TRAF3IP1: variants seen among roughly 807,000 people sequenced by gnomAD.
The protein encoded by TRAF3IP1 is intraflagellar transport 54, also known as TRAF3-interacting protein 1.
In TRAF3IP1, 53 loss-of-function variants were observed where a neutral mutation model predicts 89.9. That is an observed-to-expected ratio of 0.59 (90% CI 0.47 to 0.74). TRAF3IP1 has a LOEUF of 0.74. Ranked by LOEUF, TRAF3IP1 falls within the 30% of genes least tolerant of loss-of-function variation. The pLI, the probability that TRAF3IP1 is intolerant of heterozygous loss-of-function variation, is 0.00. For synonymous variants in TRAF3IP1, 311 were observed against 322.1 expected, an observed-to-expected ratio of 0.97 and a Z score of 0.37; for missense variants, 806 against 866.1, an observed-to-expected ratio of 0.93 and a Z score of 0.87.
At chr2:238,336,397 A>C (rs900502997) in intron 7 of TRAF3IP1, among the ~76,000 whole-genome samples, 8 of 152,138 alleles carry the variant, frequency 5.3e-5, no homozygotes, top group African/African-American at 1.9e-4. Flanking sequence ...CTGCCTGAAC[A>C]TTCTGCCTCG....
At chr2:238,338,525 A>G (rs963030130) in intron 8 of TRAF3IP1, 68 bp downstream of exon 8, 48 of 857,730 alleles carry the variant, frequency 5.6e-5, no homozygotes, top group Non-Finnish European at 7.9e-5. Flanking sequence ...ATCTCAATGT[A>G]GTTATACATT....
At chr2:238,322,173 C>G (rs886593868) in intron 1 of TRAF3IP1, among the ~76,000 whole-genome samples, 8 of 152,250 alleles carry the variant, frequency 5.3e-5, no homozygotes, top group Non-Finnish European at 7.3e-5. Flanking sequence ...TACCCGTCCT[C>G]TGACCCAGAG....
At chr2:238,397,190 A>T (rs1701263549) in intron 15 of TRAF3IP1, among the ~76,000 whole-genome samples, 1 of 152,194 alleles carries the variant, frequency 6.6e-6, no homozygotes, top group Admixed American at 6.5e-5. Flanking sequence ...ATGGATTTCC[A>T]GGTAAAGACA....
intron 7 of TRAF3IP1, among the ~76,000 whole-genome samples, chr2:238,336,860 T>C (rs1159295917): frequency 6.6e-6 from 1 of 152,128 alleles, no homozygotes; most frequent in East Asian, 1.9e-4. Flanking sequence ...CTTGGTAAGC[T>C]AAGTGAACCA....
intron 15 of TRAF3IP1, among the ~76,000 whole-genome samples, chr2:238,358,669 T>C (rs1193599523): frequency 6.6e-6 from 1 of 152,256 alleles, no homozygotes; most frequent in Non-Finnish European, 1.5e-5. Context: ...GAGTTTCTAA[T>C]GTCACCCTCG....
intron 15 of TRAF3IP1, among the ~76,000 whole-genome samples, chr2:238,374,364 C>A (rs972435696): frequency 2.6e-4 from 40 of 152,240 alleles, no homozygotes; most frequent in African/African-American, 8.7e-4. Flanking sequence ...TGGTCGAAGG[C>A]CTTTTCTGCA....
chr2:238,374,014 C>T (rs1430692648), intron 15 of TRAF3IP1, among the ~76,000 whole-genome samples: 2 of 152,202 alleles, frequency 1.3e-5, no homozygotes, highest in Admixed American at 1.3e-4. Flanking sequence ...GCTTAATCAG[C>T]TTAAGGATAT....
At chr2:238,324,589 T>C (rs372167534) in intron 1 of TRAF3IP1, among the ~76,000 whole-genome samples, 1 of 152,106 alleles carries the variant, frequency 6.6e-6, no homozygotes, top group African/African-American at 2.4e-5. Flanking sequence ...TCCTGGACCT[T>C]GTGTGGACTT....
At chr2:238,370,405 T>C (rs1310158850) in intron 15 of TRAF3IP1, among the ~76,000 whole-genome samples, 1 of 152,188 alleles carries the variant, frequency 6.6e-6, no homozygotes, top group African/African-American at 2.4e-5. Context: ...CATGTGTATA[T>C]ATGCATGGCT....
rs1314163152 is a variant in TRAF3IP1, at chr2:238,351,833, T to TGG, written c.1452-993_1452-992dup. Reference sequence around the variant, plus strand: ...ATGGCACTGAAGCAAGGGAGGATTTTGGTGTGTGTGTGTGTGTGTGTGTGT... The same window carrying TGG: ...ATGGCACTGAAGCAAGGGAGGATTTTGGGGTGTGTGTGTGTGTGTGTGTGTGT... On this transcript the variant is annotated intron_variant, in intron 12 of 16. Transcript: ENST00000373327. The surrounding 1 kb of genome is among the most constrained non-coding windows in gnomAD (Gnocchi z 5.2). 9.5e-5 allele frequency among the ~76,000 whole-genome samples: 11 copies of TGG among 115,300 alleles called. No homozygotes were observed. The highest frequency in any genetic ancestry group is 1.4e-4 in the Non-Finnish European group (8 of 55,246). The allele number at this position is 115,300 out of a possible 152,430, so 75.6% of individuals were successfully genotyped here. A position where few individuals can be genotyped will look rare whatever the true frequency, so the allele number is the denominator to read the frequency against.
chr2:238,392,477 A>G (rs1232240478), intron 15 of TRAF3IP1, among the ~76,000 whole-genome samples: 1 of 152,128 alleles, frequency 6.6e-6, no homozygotes, highest in Admixed American at 6.5e-5. Context: ...TCTTGTGTAA[A>G]AGGAATCCTA....
chr2:238,379,330 G>T lies in TRAF3IP1; in HGVS notation c.1690-18129G>T, dbSNP rs1700452390. On this transcript the variant is annotated intron_variant, in intron 15 of 16. Transcript: ENST00000373327. The surrounding 1 kb of genome is among the most constrained non-coding windows in gnomAD (Gnocchi z 4.0). ...GGGCTCTGCTATCCTCACAGCATTG[G>T]TCACTGACTGAGACCATGCGACTGA... Among the ~76,000 whole-genome samples the T allele has an allele frequency of 6.6e-6, 1 of 152,198 alleles. No homozygotes were observed. Among genetic ancestry groups the T allele is most frequent in the Non-Finnish European group, 1.5e-5 (1 of 68,044 alleles).
At chr2:238,344,437 C>A in intron 8 of TRAF3IP1, 60 bp from the exon 9 acceptor site, 1 of 1,348,986 alleles carries the variant, frequency 7.4e-7, no homozygotes, top group Non-Finnish European at 1.1e-6. Flanking sequence ...AATGAAGCCG[C>A]TGATCACCGG....
intron 8 of TRAF3IP1, among the ~76,000 whole-genome samples, chr2:238,339,499 G>C (rs1396994652): frequency 2.0e-5 from 3 of 152,260 alleles, no homozygotes; most frequent in Non-Finnish European, 4.4e-5. Context: ...CTGCAGGAGA[G>C]GGCAGCAGGC....
rs1701389488 is a variant in TRAF3IP1, at chr2:238,399,735, CA to C, written c.*817del. 2 of 152,264 alleles carry C rather than the reference CA, an allele frequency of 1.3e-5. No homozygotes were observed. The highest frequency in any genetic ancestry group is 4.2e-4 in the South Asian group (2 of 4,818). 9.4% of individuals were successfully genotyped at this position (152,264 alleles called of 1,614,324 possible). Reference sequence around the variant, plus strand: ...GTCTCGCTCTGCAAAGCATTGGCGCCATGGCTTTTCCTTTGCATGGGTGTGC... The same window carrying C: ...GTCTCGCTCTGCAAAGCATTGGCGCCTGGCTTTTCCTTTGCATGGGTGTGC... On this transcript the variant is annotated 3_prime_UTR_variant, in exon 17 of 17. Coordinates refer to ENST00000373327, the MANE Select transcript of TRAF3IP1 (RefSeq NM_015650.4).
intron 15 of TRAF3IP1, among the ~76,000 whole-genome samples, chr2:238,381,141 A>G (rs374278133): frequency 2.0e-4 from 27 of 133,138 alleles, no homozygotes; most frequent in African/African-American, 7.1e-4. Flanking sequence ...TTATTTATTT[A>G]TTTTTTTTTT....
rs1315056599 is a variant in TRAF3IP1, at chr2:238,345,626, G to C, written c.1261+1028G>C. 6.6e-6 allele frequency among the ~76,000 whole-genome samples: 1 copy of C among 152,190 alleles called. No individual in the cohort carries two copies. Among genetic ancestry groups the C allele is most frequent in the South Asian group, 2.1e-4 (1 of 4,830 alleles). On this transcript the variant is annotated intron_variant, in intron 9 of 16. Transcript: ENST00000373327. This position sits in a 1 kb window ranked among gnomAD's most constrained non-coding sequence, Gnocchi z 4.7. The stretch of plus-strand genomic sequence containing the variant: ...TTAATTAGGGAGGGTTAAAGATTGT[G>C]CAGAGAAGAGAGAGAGGCCTGGACT...
intron 16 of TRAF3IP1, among the ~76,000 whole-genome samples, chr2:238,398,455 G>A (rs1701339802): frequency 6.8e-6 from 1 of 147,556 alleles, no homozygotes; most frequent in Non-Finnish European, 1.5e-5. Flanking sequence ...GTAGTGGAGG[G>A]GGGATCCCCA....
At chr2:238,364,266 A>G (rs1183752203) in intron 15 of TRAF3IP1, among the ~76,000 whole-genome samples, 2 of 152,210 alleles carry the variant, frequency 1.3e-5, no homozygotes, top group Non-Finnish European at 2.9e-5. Context: ...TATTGTACTA[A>G]TGGACTTGAA....
Sources: allele counts gnomAD v4.1 joint callset (sites outside exome capture counted in the v4.1 genomes callset), GRCh38; gene constraint gnomAD v4.1.1; non-coding constraint Gnocchi (gnomAD v3.1); transcripts MANE v1.5; gene names NCBI Gene and HGNC (gene_info 2026-07-23, HGNC 2026-07-21).